ZNF670: variants seen among roughly 807,000 people sequenced by gnomAD.
ZNF670 encodes the protein zinc finger protein 670.
Under a neutral mutation model 10.9 loss-of-function variants are expected in ZNF670, and 7 were observed. The ratio of observed to expected loss-of-function variants is 0.64; its 90% CI spans 0.36 to 1.20. ZNF670 has a LOEUF of 1.20. ZNF670 is among the 50% of genes most tolerant of loss of function. The probability of loss-of-function intolerance (pLI) is 0.02; values close to 1 mark genes in which losing one functional copy is unlikely to be tolerated. For missense variants in ZNF670, 446 were observed against 458.6 expected, an observed-to-expected ratio of 0.97 and a Z score of 0.25; for synonymous variants, 136 against 152.7, an observed-to-expected ratio of 0.89 and a Z score of 0.81.
chr1:247,041,165 G>C (rs34060714), intron 1 of ZNF670, among the ~76,000 whole-genome samples: 22,479 of 152,116 alleles, frequency 0.15, 1,862 homozygotes, highest in South Asian at 0.24. Context: ...AAATATGAAA[G>C]ACAAAACTAA....
intron 1 of ZNF670, among the ~76,000 whole-genome samples, chr1:247,052,719 G>A (rs1424658994): frequency 6.6e-6 from 1 of 152,156 alleles, no homozygotes; most frequent in Admixed American, 6.5e-5. Flanking sequence ...GGCTTGCGTT[G>A]GTTGGCCAGC....
chr1:247,052,983 G>C (rs1270107212), intron 1 of ZNF670, among the ~76,000 whole-genome samples: 3 of 152,174 alleles, frequency 2.0e-5, no homozygotes, highest in African/African-American at 7.2e-5. Flanking sequence ...TGTGGGAGAT[G>C]GTGGTGTGGT....
rs182496309 is a variant in ZNF670, at chr1:247,041,555, G to A, written c.4-2018C>T. On this transcript the variant is annotated intron_variant, in intron 1 of 3. Coordinates refer to ENST00000366503, the MANE Select transcript of ZNF670 (RefSeq NM_033213.5). ...CGGCCATGGCAAACGGGTTACTCAC[G>A]AAGGAAGGAGGAGTCAACTGATACC... Among the ~76,000 whole-genome samples, 6 of 152,270 alleles carry A rather than the reference G, an allele frequency of 3.9e-5. No individual in the cohort carries two copies. The East Asian group carries it at 5.8e-4, about 15-fold the overall frequency.
At chr1:247,075,995 A>AT (rs142391307) in intron 1 of ZNF670, among the ~76,000 whole-genome samples, 144 of 151,642 alleles carry the variant, frequency 9.5e-4, no homozygotes, top group African/African-American at 3.3e-3. Flanking sequence ...CTTTGGAAAT[A>AT]TTTTTTTTTA....
At chr1:247,043,355 G>T in intron 1 of ZNF670, 1 of 556,164 alleles carries the variant, frequency 1.8e-6, no homozygotes, top group South Asian at 1.7e-5. Flanking sequence ...TTGAGTATTT[G>T]AGCCTTGTAA....
chr1:247,045,752 A>C (rs1449833888), intron 1 of ZNF670, among the ~76,000 whole-genome samples: 1 of 152,232 alleles, frequency 6.6e-6, no homozygotes, highest in Non-Finnish European at 1.5e-5. Flanking sequence ...TAACATGCAG[A>C]AGCTGGAAGA....
chr1:247,072,860 A>T, intron 1 of ZNF670, among the ~76,000 whole-genome samples: 1 of 144,392 alleles, frequency 6.9e-6, no homozygotes, highest in South Asian at 2.2e-4. Flanking sequence ...ACATACACAC[A>T]CACACACAAA....
At chr1:247,047,957 A>G (rs1225787314) in intron 1 of ZNF670, among the ~76,000 whole-genome samples, 3 of 152,216 alleles carry the variant, frequency 2.0e-5, no homozygotes, top group Non-Finnish European at 4.4e-5. Context: ...AAGACCTCTG[A>G]CATGTCCTAA....
intron 1 of ZNF670, among the ~76,000 whole-genome samples, chr1:247,054,971 A>G (rs1054779243): frequency 2.0e-5 from 3 of 152,204 alleles, no homozygotes; most frequent in African/African-American, 7.2e-5. Context: ...ACAGCTAAAA[A>G]CTGGTCTTTG....
At chr1:247,056,021 CA>C (rs1475109885) in intron 1 of ZNF670, among the ~76,000 whole-genome samples, 1 of 147,604 alleles carries the variant, frequency 6.8e-6, no homozygotes, top group Non-Finnish European at 1.5e-5. Context: ...ATATATAAAG[CA>C]AATATTAATA....
rs576125351 is a variant in ZNF670 at position 247,067,088 on chromosome 1, C to T, written c.3+11506G>A. 4.8e-4 allele frequency among the ~76,000 whole-genome samples: 73 copies of T among 152,292 alleles called. No individual in the cohort carries two copies. The South Asian group carries it at 0.015, about 32-fold the overall frequency. ...ACATGTCATCAAGGACCTCCTGAGG[C>T]TATGTCATGGTTACATCCTGTAACC... On this transcript the variant is annotated intron_variant, in intron 1 of 3. Transcript: ENST00000366503.
intron 1 of ZNF670, among the ~76,000 whole-genome samples, chr1:247,050,245 T>C (rs1443832379): frequency 6.6e-6 from 1 of 152,220 alleles, no homozygotes; most frequent in African/African-American, 2.4e-5. Context: ...TATTTTCCTG[T>C]TGGACTAGTC....
At chr1:247,068,319 C>CAAAAAAAAAAAAAAAAAAAAAAAAAAAA (rs74163724) in intron 1 of ZNF670, among the ~76,000 whole-genome samples, 22 of 55,254 alleles carry the variant, frequency 4.0e-4, no homozygotes, top group Admixed American at 1.0e-3. Context: ...ATTCTGTCTC[C>CAAAAAAAAAAAAAAAAAAAAAAAAAAAA]AAAAAAAAAA....
At position 247,068,319 on chromosome 1, in the gene ZNF670, C is replaced by CAAAAAAAAAAAAAAAA. The variant is rs74163724; in HGVS notation, c.3+10259_3+10274dup. Among the ~76,000 whole-genome samples the CAAAAAAAAAAAAAAAA allele has an allele frequency of 3.6e-3, 200 of 55,234 alleles. 12 individuals are homozygous for CAAAAAAAAAAAAAAAA. Among genetic ancestry groups the CAAAAAAAAAAAAAAAA allele is most frequent in the Non-Finnish European group, 5.1e-3 (164 of 32,084 alleles). The allele number at this position is 55,234 out of a possible 152,430, so 36.2% of individuals were successfully genotyped here. On this transcript the variant is annotated intron_variant, in intron 1 of 3. Transcript: ENST00000366503. ...AGGTGACAGAGTAAGATTCTGTCTC[C>CAAAAAAAAAAAAAAAA]AAAAAAAAAAAAAAAAAAGATGGGC...
chr1:247,070,384 T>C (rs2103071524), intron 1 of ZNF670, among the ~76,000 whole-genome samples: 2 of 152,128 alleles, frequency 1.3e-5, no homozygotes, highest in South Asian at 4.1e-4. Context: ...GGCAGGAGAA[T>C]GGCATGAACC....
chr1:247,039,349 C>T (rs1670250427), intron 2 of ZNF670, 62 bp downstream of exon 2: 12 of 1,573,338 alleles, frequency 7.6e-6, no homozygotes, highest in Admixed American at 3.7e-5. Flanking sequence ...GTGTGAGCCA[C>T]CACGCCCAGC....
chr1:247,074,551 T>C (rs1671209077), intron 1 of ZNF670, among the ~76,000 whole-genome samples: 1 of 152,216 alleles, frequency 6.6e-6, no homozygotes, highest in African/African-American at 2.4e-5. Context: ...ATTTACTTTA[T>C]TGCAGCAGTT....
chr1:247,071,310 C>T (rs560652414), intron 1 of ZNF670, among the ~76,000 whole-genome samples: 6 of 152,346 alleles, frequency 3.9e-5, no homozygotes, highest in East Asian at 1.9e-4. Flanking sequence ...AGCAAAATCA[C>T]GCCCTTTGCA....
rs184211243 is a variant in ZNF670, at chr1:247,042,791, A to G, written c.4-3254T>C. Reference sequence around the variant, plus strand: ...CTTCCTAGGTTGAGTTCTGAGTTCCATGAAAATGTCTGACCCCACCACGCT... The same window carrying G: ...CTTCCTAGGTTGAGTTCTGAGTTCCGTGAAAATGTCTGACCCCACCACGCT... On this transcript the variant is annotated intron_variant, in intron 1 of 3. Coordinates refer to ENST00000366503, the MANE Select transcript of ZNF670 (RefSeq NM_033213.5). 9.2e-4 allele frequency: 440 copies of G among 479,954 alleles called. 1 individual carries two copies. Among genetic ancestry groups the G allele is most frequent in the African/African-American group, 7.9e-3 (407 of 51,762 alleles). The allele number at this position is 479,954 out of a possible 1,614,324, so 29.7% of individuals were successfully genotyped here. A position where few individuals can be genotyped will look rare whatever the true frequency, so the allele number is the denominator to read the frequency against.
Sources: allele counts gnomAD v4.1 joint callset (sites outside exome capture counted in the v4.1 genomes callset), GRCh38; gene constraint gnomAD v4.1.1; transcripts MANE v1.5; gene names NCBI Gene and HGNC (gene_info 2026-07-23, HGNC 2026-07-21).